Variants in TSN observed in about 807,000 individuals in gnomAD.
The protein encoded by TSN is translin.
Under a neutral mutation model 29.4 loss-of-function variants are expected in TSN, and 5 were observed. The ratio of observed to expected loss-of-function variants is 0.17; its 90% CI spans 0.09 to 0.36. TSN has a LOEUF of 0.36. Among genes scored for constraint, TSN ranks in the 10% least tolerant of loss-of-function variants. TSN has a pLI of 1.00. For synonymous variants in TSN, 106 were observed against 102.2 expected (o/e 1.04, Z -0.23); for missense variants, 159 against 272.8 (o/e 0.58, Z 2.94).
At chr2:121,756,908 C>CA (rs548676853) in intron 1 of TSN, among the ~76,000 whole-genome samples, 1,107 of 63,388 alleles carry the variant, frequency 0.017, 5 homozygotes, top group Middle Eastern at 0.044. Flanking sequence ...GACTCCGTCT[C>CA]AAAAAAAAAA....
intron 1 of TSN, chr2:121,756,677 GC>G: frequency 7.8e-7 from 1 of 1,281,558 alleles, no homozygotes. Flanking sequence ...GGCCGAGGCG[GC>G]CAGATCACCT....
At chr2:121,755,871 CTTTGCCTTTCCATGCCTAG>C (rs1377547676) in intron 1 of TSN, 26 bp downstream of exon 1, 1 of 1,613,806 alleles carries the variant, frequency 6.2e-7, no homozygotes. Flanking sequence ...TCCCCATTCC[CTTTGCCTTTCCATGCCTAG>C]TTGGGCCACT....
rs76093290 is a variant in TSN at position 121,758,875 on chromosome 2, A to G, written c.257+69A>G. The G allele has an allele frequency of 2.8e-6, 3 of 1,073,762 alleles. No homozygotes were observed. The South Asian group carries it at 6.5e-5, about 23-fold the overall frequency. The allele number at this position is 1,073,762 out of a possible 1,614,324, so 66.5% of individuals were successfully genotyped here. A position where few individuals can be genotyped will look rare whatever the true frequency, so the allele number is the denominator to read the frequency against. On this transcript the variant is annotated intron_variant, in intron 3 of 5. Transcript: ENST00000389682. ...AAAGGAGAAAAATTATGTGTACCAAATGATTGCTTACAACTAGGCAAACAT... is the reference window on the plus strand; with the variant it reads ...AAAGGAGAAAAATTATGTGTACCAAGTGATTGCTTACAACTAGGCAAACAT...
chr2:121,760,995 G>T (rs577517483), intron 3 of TSN, among the ~76,000 whole-genome samples: 2 of 150,508 alleles, frequency 1.3e-5, no homozygotes, highest in Non-Finnish European at 2.9e-5. Flanking sequence ...TCAGCCTCCC[G>T]AGTAGCTGGG....
chr2:121,757,840 A>G (rs1195896776), intron 2 of TSN, among the ~76,000 whole-genome samples: 2 of 146,836 alleles, frequency 1.4e-5, no homozygotes, highest in Middle Eastern at 3.2e-3. Context: ...TTTTTTTGGT[A>G]TTTTTATTAG....
chr2:121,763,018 G>T lies in TSN; in HGVS notation c.387G>T (p.Arg129=), dbSNP rs1173107224. ...VTEILGIEPD[R]EKGFHLDVED... ...TGTGTTTTTTAGTTGAGCCAGATCG[G>T]GAGAAAGGATTTCATCTGGATGTAG... The change falls in exon 5 of 6, where the codon CGG becomes CGT. Residue 129 remains arginine (R), a synonymous_variant. Coordinates refer to ENST00000389682, the MANE Select transcript of TSN (RefSeq NM_004622.3). 1.1e-5 allele frequency: 18 copies of T among 1,609,098 alleles called. 1 individual carries two copies. The South Asian group carries it at 2.0e-4, about 18-fold the overall frequency.
chr2:121,760,719 A>T (rs930950745), intron 3 of TSN, among the ~76,000 whole-genome samples: 1 of 152,130 alleles, frequency 6.6e-6, no homozygotes, highest in East Asian at 1.9e-4. Context: ...AAAATGGAGG[A>T]ATACGTTGAG....
At chr2:121,763,425 G>A (rs1032309582) in intron 5 of TSN, among the ~76,000 whole-genome samples, 5 of 152,162 alleles carry the variant, frequency 3.3e-5, no homozygotes, top group Non-Finnish European at 5.9e-5. Flanking sequence ...GATTATAGGC[G>A]TGAGCCACTG....
Position 121,758,824 on chromosome 2 carries a change from CATT to C in TSN, c.257+22_257+24del. 6.8e-7 allele frequency: 1 copy of C among 1,463,904 alleles called. No individual in the cohort carries two copies. Among genetic ancestry groups the C allele is most frequent in the Non-Finnish European group, 9.2e-7 (1 of 1,092,840 alleles). 90.7% of individuals were successfully genotyped at this position (1,463,904 alleles called of 1,614,324 possible). The stretch of plus-strand genomic sequence containing the variant: ...TATTACAGGTTTGTAAGAAAAATAG[CATT>C]ATTTTATAATGTTAAGTAAAAAAAA... On this transcript the variant is annotated intron_variant, in intron 3 of 5. Coordinates refer to ENST00000389682, the MANE Select transcript of TSN (RefSeq NM_004622.3).
rs560102311 is a variant in TSN, at chr2:121,762,472, C to T, written c.374-533C>T. 2.9e-3 allele frequency among the ~76,000 whole-genome samples: 446 copies of T among 152,202 alleles called. 1 individual carries two copies. The highest frequency in any genetic ancestry group is 4.9e-3 in the Non-Finnish European group (336 of 68,016). On this transcript the variant is annotated intron_variant, in intron 4 of 5. Transcript: ENST00000389682. ...TCCATAGTTGGTTAGCGCAGAGGGC[C>T]GACTCTACCTGGAAATGTAAAAGCT...
At chr2:121,760,623 A>G (rs1249563424) in intron 3 of TSN, among the ~76,000 whole-genome samples, 1 of 152,220 alleles carries the variant, frequency 6.6e-6, no homozygotes, top group Non-Finnish European at 1.5e-5. Flanking sequence ...CTTCTAGCTC[A>G]GTATTCTATT....
chr2:121,764,756 A>C (rs532994407), intron 5 of TSN, among the ~76,000 whole-genome samples: 1 of 152,270 alleles, frequency 6.6e-6, no homozygotes, highest in African/African-American at 2.4e-5. Context: ...TGGGCTCTAG[A>C]AATGTGATCA....
intron 3 of TSN, among the ~76,000 whole-genome samples, chr2:121,761,062 G>T (rs1207653617): frequency 2.0e-5 from 3 of 151,860 alleles, no homozygotes; most frequent in African/African-American, 4.8e-5. Context: ...TAGAGAGGGG[G>T]TTTTGCCATG....
chr2:121,757,382 G>C, intron 2 of TSN, 49 bp downstream of exon 2: 1 of 1,612,154 alleles, frequency 6.2e-7, no homozygotes, highest in Non-Finnish European at 8.5e-7. Context: ...TTTAGAGGGA[G>C]AGTTTCTATC....
At chr2:121,761,934 C>T (rs2074835416) in intron 4 of TSN, among the ~76,000 whole-genome samples, 1 of 152,026 alleles carries the variant, frequency 6.6e-6, no homozygotes. Flanking sequence ...TCTCCTGCCT[C>T]AGCCTCCCGA....
At chr2:121,759,817 T>C (rs1017454477) in intron 3 of TSN, among the ~76,000 whole-genome samples, 7 of 152,174 alleles carry the variant, frequency 4.6e-5, no homozygotes, top group African/African-American at 1.7e-4. Context: ...GAATATTCTT[T>C]TAAGGGAGAG....
chr2:121,762,868 T>A (rs550677742), intron 4 of TSN, 137 bp from the exon 5 acceptor site: 5 of 726,528 alleles, frequency 6.9e-6, no homozygotes, highest in Non-Finnish European at 1.1e-5. Context: ...TTGCCAAGGT[T>A]GTGAATATAT....
At chr2:121,757,909 G>T (rs1053571765) in intron 2 of TSN, among the ~76,000 whole-genome samples, 1 of 151,866 alleles carries the variant, frequency 6.6e-6, no homozygotes, top group Non-Finnish European at 1.5e-5. Context: ...CAGATGATCC[G>T]CCTGGCTGGG....
At chr2:121,762,914 C>A (rs536419894) in intron 4 of TSN, 91 bp from the exon 5 acceptor site, 2 of 1,182,708 alleles carry the variant, frequency 1.7e-6, no homozygotes, top group African/African-American at 1.6e-5. Flanking sequence ...ATCCTTTCTT[C>A]ACTTACTTTG....
Sources: gnomAD v4.1 joint callset for allele counts (sites outside exome capture counted in the v4.1 genomes callset) on GRCh38, gnomAD v4.1.1 for gene constraint, MANE v1.5 for transcripts, NCBI Gene and HGNC (gene_info 2026-07-23, HGNC 2026-07-21) for gene names.